C16orf74: variants seen among roughly 807,000 people sequenced by gnomAD.
C16orf74 encodes calcimembrin.
In C16orf74, 10 loss-of-function variants were observed where a neutral mutation model predicts 6.5. The observed-to-expected ratio is 1.54, with a 90% confidence interval of 0.95 to 2.61. C16orf74 has a LOEUF of 2.61. Among genes scored for constraint, C16orf74 ranks in the 30% most tolerant of loss-of-function variants. The pLI, the probability that C16orf74 is intolerant of heterozygous loss-of-function variation, is 0.00. For missense variants in C16orf74, 141 were observed against 105.9 expected (o/e 1.33, Z -1.45); for synonymous variants, 60 against 42.5 (o/e 1.41, Z -1.60).
intron 2 of C16orf74, among the ~76,000 whole-genome samples, chr16:85,720,143 C>T (rs1244004714): frequency 2.6e-5 from 4 of 151,842 alleles, no homozygotes; most frequent in Non-Finnish European, 5.9e-5. Flanking sequence ...CTTTTCGAGG[C>T]ATCCCAGGCC....
intron 1 of C16orf74, among the ~76,000 whole-genome samples, chr16:85,749,248 C>G (rs189459796): frequency 6.6e-6 from 1 of 152,054 alleles, no homozygotes; most frequent in Non-Finnish European, 1.5e-5. Context: ...GTGACTTTGC[C>G]TTTACAAGCT....
At chr16:85,750,607 G>A (rs960323239) in intron 1 of C16orf74, among the ~76,000 whole-genome samples, 1 of 152,246 alleles carries the variant, frequency 6.6e-6, no homozygotes, top group Non-Finnish European at 1.5e-5. Context: ...CATTCCCAAG[G>A]AACTCGTGAC....
chr16:85,744,625 T>C (rs2054349670), intron 1 of C16orf74, among the ~76,000 whole-genome samples: 1 of 151,118 alleles, frequency 6.6e-6, no homozygotes, highest in Non-Finnish European at 1.5e-5. Flanking sequence ...GGTCAGGAGA[T>C]CGAGACCATC....
chr16:85,718,726 G>T (rs1405934431), intron 2 of C16orf74, among the ~76,000 whole-genome samples: 1 of 152,254 alleles, frequency 6.6e-6, no homozygotes, highest in Non-Finnish European at 1.5e-5. Context: ...TGGCCTCGCT[G>T]TGCACACGTA....
intron 1 of C16orf74, among the ~76,000 whole-genome samples, chr16:85,748,107 CAT>C (rs1430678652): frequency 6.2e-4 from 38 of 61,114 alleles, no homozygotes; most frequent in Admixed American, 1.4e-3. Flanking sequence ...TATATATATA[CAT>C]ATATATATAT....
At chr16:85,717,246 C>T (rs1200899364) in intron 2 of C16orf74, among the ~76,000 whole-genome samples, 1 of 152,202 alleles carries the variant, frequency 6.6e-6, no homozygotes, top group Non-Finnish European at 1.5e-5. Context: ...CGGCTCTGGG[C>T]CCTCCTAGCT....
At chr16:85,712,235 T>C (rs2053977546) in intron 2 of C16orf74, among the ~76,000 whole-genome samples, 1 of 152,198 alleles carries the variant, frequency 6.6e-6, no homozygotes, top group African/African-American at 2.4e-5. Flanking sequence ...GGCTGACATC[T>C]TGGATGTAAC....
Position 85,745,306 on chromosome 16 carries a change from A to G in C16orf74, c.-19+5620T>C, listed in dbSNP as rs563242850. ...GACAGACAGACATCAGATGTCATGC[A>G]TGCCACACAGCTTCTCTAAGGCCAA... On this transcript the variant is annotated intron_variant, in intron 1 of 3. Transcript: ENST00000284245. Among the ~76,000 whole-genome samples the G allele has an allele frequency of 6.6e-5, 10 of 152,244 alleles. No homozygotes were observed. In the South Asian group the frequency reaches 2.1e-3, roughly 32 times the overall value.
chr16:85,711,777 C>G (rs998664321), intron 2 of C16orf74, among the ~76,000 whole-genome samples: 1 of 152,148 alleles, frequency 6.6e-6, no homozygotes, highest in African/African-American at 2.4e-5. Flanking sequence ...TATCAGAGCC[C>G]CTGACCAACA....
At chr16:85,736,324 G>C (rs937578389) in intron 1 of C16orf74, among the ~76,000 whole-genome samples, 2 of 152,144 alleles carry the variant, frequency 1.3e-5, no homozygotes, top group Non-Finnish European at 2.9e-5. Flanking sequence ...TTGGTGGATT[G>C]GTAGCATCAG....
At chr16:85,747,597 C>T (rs1354504966) in intron 1 of C16orf74, among the ~76,000 whole-genome samples, 2 of 152,138 alleles carry the variant, frequency 1.3e-5, no homozygotes, top group African/African-American at 4.8e-5. Context: ...TTTTGATGTA[C>T]ACTTATTACA....
intron 1 of C16orf74, among the ~76,000 whole-genome samples, chr16:85,745,685 G>A (rs762219214): frequency 6.6e-5 from 10 of 151,016 alleles, no homozygotes; most frequent in Non-Finnish European, 1.0e-4. Flanking sequence ...ATCTCCCGCT[G>A]GCTGGAGGGA....
intron 2 of C16orf74, among the ~76,000 whole-genome samples, chr16:85,724,599 G>A (rs1283497170): frequency 4.0e-5 from 6 of 151,874 alleles, no homozygotes; most frequent in Non-Finnish European, 8.8e-5. Flanking sequence ...TGAGGTGTGA[G>A]CTTTGGGAGC....
chr16:85,709,691 G>A (rs2053948268), intron 3 of C16orf74, among the ~76,000 whole-genome samples: 1 of 152,180 alleles, frequency 6.6e-6, no homozygotes, highest in African/African-American at 2.4e-5. Context: ...CTCTCCCTGG[G>A]AAGAACTCTA....
At chr16:85,710,131 G>T (rs1476712297) in intron 3 of C16orf74, 33 bp downstream of exon 3, 2 of 1,380,656 alleles carry the variant, frequency 1.4e-6, no homozygotes, top group African/African-American at 1.5e-5. Context: ...CCCCACAGCC[G>T]ACCCGGCTTG....
chr16:85,708,422 C>A (rs1197040925), intron 3 of C16orf74, among the ~76,000 whole-genome samples: 1 of 152,144 alleles, frequency 6.6e-6, no homozygotes, highest in South Asian at 2.1e-4. Context: ...ACTTTGACAG[C>A]CGAGCTAAGG....
intron 1 of C16orf74, chr16:85,744,111 G>C (rs2054342048): frequency 6.6e-6 from 1 of 150,476 alleles, no homozygotes; most frequent in Non-Finnish European, 1.5e-5. Context: ...TATAATCCCA[G>C]CTACTCAGGA....
At chr16:85,732,697 G>A (rs1336743211) in intron 2 of C16orf74, among the ~76,000 whole-genome samples, 1 of 133,710 alleles carries the variant, frequency 7.5e-6, no homozygotes, top group African/African-American at 2.7e-5. Context: ...AAAGAGTTCT[G>A]GCCCCCTAAT....
At chr16:85,739,827 C>T (rs1598805297) in intron 1 of C16orf74, among the ~76,000 whole-genome samples, 1 of 152,162 alleles carries the variant, frequency 6.6e-6, no homozygotes, top group Middle Eastern at 3.4e-3. Context: ...ATAAAACAGT[C>T]AGAAGAGAAA....
Sources: allele counts gnomAD v4.1 joint callset (sites outside exome capture counted in the v4.1 genomes callset), GRCh38; gene constraint gnomAD v4.1.1; transcripts MANE v1.5; gene names NCBI Gene and HGNC (gene_info 2026-07-23, HGNC 2026-07-21).